Variants in CNKSR3 observed in about 807,000 individuals in gnomAD.
CNKSR3 encodes connector enhancer of kinase suppressor of ras 3.
Under a neutral mutation model 67.7 loss-of-function variants are expected in CNKSR3, and 36 were observed. The observed-to-expected ratio is 0.53, with a 90% CI of 0.41 to 0.70. The LOEUF is 0.70. Among genes scored for constraint, CNKSR3 ranks in the 30% least tolerant of loss-of-function variants. The pLI, the probability that CNKSR3 is intolerant of heterozygous loss-of-function variation, is 0.00. For missense variants in CNKSR3, 630 were observed against 695.2 expected, an observed-to-expected ratio of 0.91 and a Z score of 1.05; for synonymous variants, 281 against 271.4, an observed-to-expected ratio of 1.04 and a Z score of -0.35.
intron 1 of CNKSR3, among the ~76,000 whole-genome samples, chr6:154,507,670 G>C (rs1166808413): frequency 1.3e-5 from 2 of 152,088 alleles, no homozygotes; most frequent in African/African-American, 4.8e-5. Flanking sequence ...TTTCTACTAA[G>C]CTGTATTTCA....
chr6:154,424,230 CAA>C (rs56218677), intron 7 of CNKSR3, among the ~76,000 whole-genome samples: 23 of 72,972 alleles, frequency 3.2e-4, no homozygotes, highest in East Asian at 9.1e-4. Flanking sequence ...GACTCCGTCT[CAA>C]AAAAAAAAAA....
chr6:154,467,371 A>G (rs956764609), intron 1 of CNKSR3, among the ~76,000 whole-genome samples: 10 of 152,176 alleles, frequency 6.6e-5, no homozygotes, highest in African/African-American at 2.4e-4. Flanking sequence ...TAGCCAGGAC[A>G]TACATCAACT....
In CNKSR3 at chr6:154,448,863, T is replaced by C. The variant is rs994880248; in HGVS notation, c.216+1232A>G. On this transcript the variant is annotated intron_variant, in intron 2 of 12. Transcript: ENST00000607772. ...CGGCAAAATCATCAGCAGCACATTC[T>C]TTCCCACCATTCTCAGTGATGTAAT... Among the ~76,000 whole-genome samples, 6 of 152,360 alleles carry C rather than the reference T, an allele frequency of 3.9e-5. No homozygotes were observed. In the East Asian group the frequency reaches 9.6e-4, roughly 24 times the overall value.
intron 1 of CNKSR3, among the ~76,000 whole-genome samples, chr6:154,468,046 C>T (rs556031836): frequency 7.0e-4 from 105 of 149,430 alleles, no homozygotes; most frequent in African/African-American, 2.5e-3. Context: ...AGGCATGAGC[C>T]ACCACGCCTA....
intron 1 of CNKSR3, among the ~76,000 whole-genome samples, chr6:154,499,678 C>G (rs1786944201): frequency 6.6e-6 from 1 of 152,076 alleles, no homozygotes; most frequent in Admixed American, 6.5e-5. Flanking sequence ...CTATGTTGCC[C>G]AAGTTGATCT....
chr6:154,418,215 C>T (rs1179573280), intron 9 of CNKSR3, among the ~76,000 whole-genome samples: 1 of 152,198 alleles, frequency 6.6e-6, no homozygotes, highest in Non-Finnish European at 1.5e-5. Flanking sequence ...CAGGATGCTT[C>T]GTCCTGCATA....
At chr6:154,477,476 ATT>A (rs11342441) in intron 1 of CNKSR3, among the ~76,000 whole-genome samples, 33,165 of 147,166 alleles carry the variant, frequency 0.23, 3,964 homozygotes, top group East Asian at 0.35. Flanking sequence ...AAGCCCAGCA[ATT>A]TTTTTTTTTT....
intron 2 of CNKSR3, among the ~76,000 whole-genome samples, chr6:154,445,263 A>T (rs1299442291): frequency 5.9e-5 from 9 of 152,182 alleles, no homozygotes; most frequent in Admixed American, 5.9e-4. Context: ...ATTCTATATT[A>T]GCAGTATTTT....
At chr6:154,467,167 C>A (rs1393202445) in intron 1 of CNKSR3, among the ~76,000 whole-genome samples, 3 of 152,144 alleles carry the variant, frequency 2.0e-5, no homozygotes, top group African/African-American at 7.2e-5. Flanking sequence ...CATGGAACCA[C>A]CGACCGCATC....
intron 1 of CNKSR3, among the ~76,000 whole-genome samples, chr6:154,483,177 C>T (rs1264062542): frequency 6.6e-6 from 1 of 152,214 alleles, no homozygotes; most frequent in Non-Finnish European, 1.5e-5. Flanking sequence ...CCTAACCCTT[C>T]CTCCTGATCA....
At chr6:154,423,954 C>A (rs942454395) in intron 7 of CNKSR3, among the ~76,000 whole-genome samples, 1 of 151,992 alleles carries the variant, frequency 6.6e-6, no homozygotes, top group Non-Finnish European at 1.5e-5. Flanking sequence ...AGGGATAGGC[C>A]GGGCGCGGTG....
intron 3 of CNKSR3, 74 bp from the exon 4 acceptor site, chr6:154,441,453 A>C (rs1785585256): frequency 9.4e-7 from 1 of 1,066,436 alleles, no homozygotes; most frequent in Non-Finnish European, 1.5e-6. Context: ...GTTGGTAAGC[A>C]TAGCTACCCC....
At chr6:154,439,296 G>T (rs1255184058) in intron 4 of CNKSR3, among the ~76,000 whole-genome samples, 1 of 152,194 alleles carries the variant, frequency 6.6e-6, no homozygotes, top group Non-Finnish European at 1.5e-5. Flanking sequence ...GTATCCCAGG[G>T]CAGCAGACAC....
chr6:154,466,900 G>C (rs1384389001), intron 1 of CNKSR3, among the ~76,000 whole-genome samples: 1 of 151,660 alleles, frequency 6.6e-6, no homozygotes, highest in African/African-American at 2.4e-5. Context: ...CCTGGGATTA[G>C]AGGAGTGAGC....
chr6:154,481,907 G>T (rs1213372359), intron 1 of CNKSR3, among the ~76,000 whole-genome samples: 1 of 152,188 alleles, frequency 6.6e-6, no homozygotes, highest in Non-Finnish European at 1.5e-5. Flanking sequence ...GTTTGCTGGG[G>T]TGGCAAGCTC....
intron 1 of CNKSR3, among the ~76,000 whole-genome samples, chr6:154,499,326 CAT>C (rs1786937270): frequency 6.6e-6 from 1 of 152,310 alleles, no homozygotes; most frequent in East Asian, 1.9e-4. Flanking sequence ...ATAGAGTCCA[CAT>C]GAGTGGTGTA....
At chr6:154,447,708 T>C (rs1020620708) in intron 2 of CNKSR3, among the ~76,000 whole-genome samples, 9 of 152,136 alleles carry the variant, frequency 5.9e-5, no homozygotes, top group Non-Finnish European at 8.8e-5. Context: ...CCCTCCCCCT[T>C]CCTTACTTTT....
intron 10 of CNKSR3, among the ~76,000 whole-genome samples, chr6:154,411,766 A>C (rs1284194597): frequency 6.6e-6 from 1 of 152,204 alleles, no homozygotes; most frequent in African/African-American, 2.4e-5. Context: ...TACTACAGCA[A>C]TCACACATTA....
chr6:154,506,509 G>A (rs1355388640), intron 1 of CNKSR3, among the ~76,000 whole-genome samples: 1 of 152,192 alleles, frequency 6.6e-6, no homozygotes, highest in Non-Finnish European at 1.5e-5. Context: ...GCTGCTACCT[G>A]TCTTCTGTCT....
Sources: gnomAD v4.1 joint callset for allele counts (sites outside exome capture counted in the v4.1 genomes callset) on GRCh38, gnomAD v4.1.1 for gene constraint, MANE v1.5 for transcripts, NCBI Gene and HGNC (gene_info 2026-07-23, HGNC 2026-07-21) for gene names.